Variants in KIFC3 observed in about 807,000 individuals in gnomAD.
KIFC3 encodes kinesin family member C3, also known as kinesin-like protein KIFC3.
A neutral mutation model predicts 101.8 loss-of-function variants in KIFC3; 60 were observed. The ratio of observed to expected loss-of-function variants is 0.59; its 90% CI spans 0.48 to 0.73. KIFC3 has a LOEUF of 0.73. KIFC3 is among the 30% of genes least tolerant of loss of function. KIFC3 has a pLI of 0.00. For missense variants in KIFC3, 966 were observed against 1,137.1 expected (o/e 0.85, Z 2.16); for synonymous variants, 476 against 482.7 (o/e 0.99, Z 0.18).
intron 3 of KIFC3, among the ~76,000 whole-genome samples, chr16:57,793,200 C>T (rs1399848985): frequency 5.9e-5 from 9 of 151,546 alleles, no homozygotes; most frequent in Admixed American, 3.9e-4. Context: ...GCATGAGAAT[C>T]GCTTGAACCT....
intron 3 of KIFC3, among the ~76,000 whole-genome samples, chr16:57,791,816 C>T (rs1274241830): frequency 2.0e-5 from 3 of 152,180 alleles, no homozygotes; most frequent in Admixed American, 6.5e-5. Context: ...AAGAGCGGGT[C>T]CTCAGGTTTC....
At chr16:57,861,573 C>G (rs1272405172) in intron 1 of KIFC3, among the ~76,000 whole-genome samples, 3 of 152,114 alleles carry the variant, frequency 2.0e-5, no homozygotes, top group Admixed American at 1.3e-4. Context: ...GACCGTGGAC[C>G]CAGCGTCCAC....
chr16:57,792,193 G>A (rs1300365240), intron 3 of KIFC3, among the ~76,000 whole-genome samples: 3 of 152,156 alleles, frequency 2.0e-5, no homozygotes, highest in Non-Finnish European at 4.4e-5. Context: ...GGGAGTGGTG[G>A]GCCCTCTCGT....
In KIFC3 at chr16:57,758,649, G is replaced by T. The variant is rs1483364082; in HGVS notation, c.*285C>A. 1 of 702,088 alleles carries T rather than the reference G, an allele frequency of 1.4e-6. No individual in the cohort carries two copies. Among genetic ancestry groups the T allele is most frequent in the Admixed American group, 2.0e-5 (1 of 49,914 alleles). The allele number at this position is 702,088 out of a possible 1,614,324, so 43.5% of individuals were successfully genotyped here. On this transcript the variant is annotated 3_prime_UTR_variant, in exon 20 of 20. Transcript: ENST00000445690. Reference sequence around the variant, plus strand: ...CCGCCCTCCTCACGGGGCCCAGTTCGCTGATGGCCCAGGCCTGCCAGGAAG... The same window carrying T: ...CCGCCCTCCTCACGGGGCCCAGTTCTCTGATGGCCCAGGCCTGCCAGGAAG...
intron 1 of KIFC3, among the ~76,000 whole-genome samples, chr16:57,853,462 T>C (rs188004019): frequency 6.3e-4 from 95 of 149,940 alleles, no homozygotes; most frequent in African/African-American, 2.2e-3. Context: ...ATTCAAATTA[T>C]CTAAGAGAGG....
At chr16:57,805,460 C>T (rs2054913609), upstream of KIFC3, among the ~76,000 whole-genome samples, 2 of 152,098 alleles carry the variant, frequency 1.3e-5, no homozygotes, top group South Asian at 4.1e-4. Flanking sequence ...GTCCTAAACC[C>T]TTGAGGGAGG....
chr16:57,771,090 CCA>C, intron 6 of KIFC3, 106 bp downstream of exon 6: 2 of 1,370,214 alleles, frequency 1.5e-6, no homozygotes, highest in Non-Finnish European at 2.0e-6. Flanking sequence ...ATTCTTCCAC[CCA>C]CACACACCTA....
At chr16:57,808,680 C>T (rs1393383494) in intron 1 of KIFC3, among the ~76,000 whole-genome samples, 1 of 152,120 alleles carries the variant, frequency 6.6e-6, no homozygotes, top group Non-Finnish European at 1.5e-5. Context: ...AGTATCTGAC[C>T]TTGAGCTGAT....
chr16:57,766,781 G>T, intron 10 of KIFC3, 93 bp downstream of exon 10: 1 of 770,370 alleles, frequency 1.3e-6, no homozygotes, highest in Non-Finnish European at 2.2e-6. Flanking sequence ...GATTAGAATA[G>T]TGCCTCAATG....
chr16:57,813,782 C>T (rs1352709956), intron 1 of KIFC3: 38 of 985,426 alleles, frequency 3.9e-5, no homozygotes, highest in Non-Finnish European at 4.3e-5. Flanking sequence ...GGGAAGAGAA[C>T]CGGGGACTCG....
rs1230815896 is a variant in KIFC3, at chr16:57,788,435, C to T, written c.315+6564G>A. 21 of 669,208 alleles carry T rather than the reference C, an allele frequency of 3.1e-5. No individual in the cohort carries two copies. In the East Asian group the frequency reaches 9.4e-4, roughly 30 times the overall value. 41.5% of individuals were successfully genotyped at this position (669,208 alleles called of 1,614,324 possible). On this transcript the variant is annotated intron_variant, in intron 3 of 19. Transcript: ENST00000445690. ...GAGGCAGGCTGGGGGATTGCAGCTGCGGATCAGGCAGCTGGAGTCTGTCTA... is the reference window on the plus strand; with the variant it reads ...GAGGCAGGCTGGGGGATTGCAGCTGTGGATCAGGCAGCTGGAGTCTGTCTA...
intron 1 of KIFC3, among the ~76,000 whole-genome samples, chr16:57,860,077 T>TC (rs1385255719): frequency 1.4e-5 from 2 of 144,480 alleles, no homozygotes; most frequent in African/African-American, 5.1e-5. Flanking sequence ...TAAAATAAAA[T>TC]AAAATAAAAT....
chr16:57,815,479 T>G lies in KIFC3; in HGVS notation c.109-17197A>C, dbSNP rs1226654968. 4 of 1,225,772 alleles carry G rather than the reference T, an allele frequency of 3.3e-6. No homozygotes were observed. The African/African-American group carries it at 4.7e-5, about 14-fold the overall frequency. The allele number at this position is 1,225,772 out of a possible 1,614,324, so 75.9% of individuals were successfully genotyped here. On this transcript the variant is annotated intron_variant, in intron 1 of 2. Transcript: ENST00000563028. ...GGGGCTGCTTACAAGACTCTGCCCATCACCCCCAACCTGGCTGATCTGGGA... is the reference window on the plus strand; with the variant it reads ...GGGGCTGCTTACAAGACTCTGCCCAGCACCCCCAACCTGGCTGATCTGGGA...
chr16:57,857,224 A>C (rs1431140242), intron 1 of KIFC3, among the ~76,000 whole-genome samples: 7 of 152,070 alleles, frequency 4.6e-5, no homozygotes, highest in Admixed American at 4.6e-4. Flanking sequence ...ATTCTCAGGA[A>C]AGAGTAAACG....
chr16:57,764,079 A>G (rs774822806), intron 12 of KIFC3, 64 bp downstream of exon 12: 375 of 1,178,050 alleles, frequency 3.2e-4, no homozygotes, highest in Non-Finnish European at 4.4e-4. Flanking sequence ...CCCAAGACCA[A>G]TGAGGGAGCC....
In KIFC3 at chr16:57,769,564, C is replaced by T. The variant is rs1451543645; in HGVS notation, c.1218+31G>A. 12 of 1,595,206 alleles carry T rather than the reference C, an allele frequency of 7.5e-6. No homozygotes were observed. Among genetic ancestry groups the T allele is most frequent in the African/African-American group, 1.3e-5 (1 of 74,686 alleles). ...GCCTCTCCCAGTGCACCCCCTTAGC[C>T]TGGACCCTCCCACCCACTGCCCTCG... On this transcript the variant is annotated intron_variant, in intron 9 of 19. Transcript: ENST00000445690. The surrounding 1 kb of genome is among the most constrained non-coding windows in gnomAD (Gnocchi z 4.3).
At chr16:57,762,093 C>T (rs375686549) in intron 13 of KIFC3, 47 bp downstream of exon 13, 3 of 1,536,678 alleles carry the variant, frequency 2.0e-6, no homozygotes, top group African/African-American at 2.7e-5. Flanking sequence ...CCCGGAGGAC[C>T]CCAAAGCTGC....
intron 3 of KIFC3, chr16:57,788,495 A>T: frequency 8.4e-7 from 1 of 1,190,260 alleles, no homozygotes; most frequent in South Asian, 1.4e-5. Context: ...GGGCATGGGG[A>T]TATCACCAAC....
chr16:57,808,426 T>G (rs891606672), intron 1 of KIFC3, among the ~76,000 whole-genome samples: 10 of 152,200 alleles, frequency 6.6e-5, no homozygotes, highest in South Asian at 4.2e-4. Flanking sequence ...TCCTAAATTG[T>G]TATAGCTCCG....
Sources: gnomAD v4.1 joint callset for allele counts (sites outside exome capture counted in the v4.1 genomes callset) on GRCh38, gnomAD v4.1.1 for gene constraint, Gnocchi (gnomAD v3.1) non-coding constraint, MANE v1.5 for transcripts, NCBI Gene and HGNC (gene_info 2026-07-23, HGNC 2026-07-21) for gene names.